Variants in EMB observed in about 807,000 individuals in gnomAD.
The protein encoded by EMB is embigin.
EMB carries 31 observed loss-of-function variants against 41.4 expected under a neutral mutation model. That is an observed-to-expected ratio of 0.75 (90% confidence interval 0.56 to 1.01). The LOEUF (loss-of-function observed/expected upper bound fraction) is 1.01, where lower values mean the gene tolerates loss of function less well. EMB is among the 50% of genes least tolerant of loss of function. EMB has a pLI of 0.00. For synonymous variants in EMB, 137 were observed against 140.4 expected (o/e 0.98, Z 0.17); for missense variants, 379 against 388.3 (o/e 0.98, Z 0.20).
In EMB at chr5:50,419,091, A is replaced by G. The variant is rs112246288; in HGVS notation, c.197-7708T>C. ...CATTTGAAAGACAATACCTGAGGTT[A>G]CACAGGGGACAAGATCCAGGCTGAG... On this transcript the variant is annotated intron_variant, in intron 2 of 8. Coordinates refer to ENST00000303221, the MANE Select transcript of EMB (RefSeq NM_198449.3). 2.2e-3 allele frequency among the ~76,000 whole-genome samples: 342 copies of G among 152,332 alleles called. 1 individual carries two copies. Among genetic ancestry groups the G allele is most frequent in the African/African-American group, 7.9e-3 (328 of 41,574 alleles).
upstream of EMB, among the ~76,000 whole-genome samples, chr5:50,441,616 C>T (rs568790401): frequency 3.3e-4 from 50 of 152,278 alleles, no homozygotes; most frequent in Middle Eastern, 3.4e-3. Flanking sequence ...CTCCCGGACC[C>T]CGGACATCTT....
intron 2 of EMB, 131 bp from the exon 3 acceptor site, chr5:50,411,514 C>A: frequency 1.5e-6 from 1 of 646,806 alleles, no homozygotes; most frequent in Non-Finnish European, 2.5e-6. Context: ...AAGAATTATT[C>A]CTCTATCAAC....
At chr5:50,441,446 C>T (rs1337907923), upstream of EMB, 9 of 250,896 alleles carry the variant, frequency 3.6e-5, no homozygotes, top group Non-Finnish European at 5.3e-5. Flanking sequence ...CGGCCTCCGC[C>T]CTCTCGGCTC....
chr5:50,404,037 G>T (rs571701974), intron 5 of EMB, among the ~76,000 whole-genome samples: 1 of 151,988 alleles, frequency 6.6e-6, no homozygotes, highest in South Asian at 2.1e-4. Flanking sequence ...TTTCATATCT[G>T]AATTTCTTTC....
intron 1 of EMB, among the ~76,000 whole-genome samples, chr5:50,439,958 ATG>A (rs1745869662): frequency 1.3e-5 from 2 of 152,154 alleles, no homozygotes; most frequent in Non-Finnish European, 2.9e-5. Flanking sequence ...AATAGGTTGG[ATG>A]GAATCCTTTC....
At chr5:50,442,164 A>C (rs1252288378), upstream of EMB, among the ~76,000 whole-genome samples, 2 of 152,014 alleles carry the variant, frequency 1.3e-5, no homozygotes, top group African/African-American at 4.8e-5. Flanking sequence ...TATTTTTTTG[A>C]AGTTCAGCTT....
At chr5:50,439,554 T>C (rs1745862256) in intron 1 of EMB, among the ~76,000 whole-genome samples, 1 of 151,382 alleles carries the variant, frequency 6.6e-6, no homozygotes. Context: ...CTTGAACTCC[T>C]GGATTCCAGC....
Position 50,402,294 on chromosome 5 carries a change from A to C in EMB, c.903T>G (p.Ile301Met), listed in dbSNP as rs754207099. 5 of 1,609,900 alleles carry C rather than the reference A, an allele frequency of 3.1e-6. No individual in the cohort carries two copies. The highest frequency in any genetic ancestry group is 4.2e-6 in the Non-Finnish European group (5 of 1,177,160). The change falls in exon 7 of 9, where the codon ATT becomes ATG. Residue 301 changes from isoleucine (I) to methionine (M), a missense_variant. Physicochemically the swap from Ile to Met is conservative, Grantham distance 10 (BLOSUM62 1). Transcript: ENST00000303221. Reference sequence around the variant, plus strand: ...TAAAAAATAATACTTACAGCTGTTCAATCTGCTCAAATTCTTTCCCCTCAT... The same window carrying C: ...TAAAAAATAATACTTACAGCTGTTCCATCTGCTCAAATTCTTTCCCCTCAT... The part of the protein sequence containing the change: ...HSDEGKEFEQ[I>M]EQLKSDDSNG...
chr5:50,430,954 T>C lies in EMB; in HGVS notation c.113-2727A>G, dbSNP rs904809620. 3.3e-5 allele frequency among the ~76,000 whole-genome samples: 5 copies of C among 152,134 alleles called. No homozygotes were observed. In the East Asian group the frequency reaches 5.8e-4, roughly 18 times the overall value. ...ATCTAAGCTGATGACAGTTGAAGGA[T>C]AGGAAAGGAAGGAAACACCAAGTTT... On this transcript the variant is annotated intron_variant, in intron 1 of 8. Coordinates refer to ENST00000303221, the MANE Select transcript of EMB (RefSeq NM_198449.3).
chr5:50,442,586 A>G (rs1241060351), upstream of EMB, among the ~76,000 whole-genome samples: 1 of 152,178 alleles, frequency 6.6e-6, no homozygotes, highest in Non-Finnish European at 1.5e-5. Flanking sequence ...CTCTTCTCAG[A>G]AAATTATGGT....
rs556410514 is a variant in EMB at position 50,430,720 on chromosome 5, C to G, written c.113-2493G>C. Reference sequence around the variant, plus strand: ...ATAGTCAGTATATAACTGACTATAGCCAGTATATTTTATACAAATTGGCAC... The same window carrying G: ...ATAGTCAGTATATAACTGACTATAGGCAGTATATTTTATACAAATTGGCAC... On this transcript the variant is annotated intron_variant, in intron 1 of 8. Coordinates refer to ENST00000303221, the MANE Select transcript of EMB (RefSeq NM_198449.3). Among the ~76,000 whole-genome samples the G allele has an allele frequency of 5.9e-5, 9 of 152,066 alleles. 1 individual carries two copies. In the South Asian group the frequency reaches 1.7e-3, roughly 28 times the overall value.
rs1004323233 is a variant in EMB, at chr5:50,396,535, G to A, written c.*2738C>T. On this transcript the variant is annotated 3_prime_UTR_variant, in exon 9 of 9. Transcript: ENST00000303221. Reference sequence around the variant, plus strand: ...AGACACAAGATCAGATTAAAGTCTTGAAAGATAATCTGGGGTTAGTCAAGC... The same window carrying A: ...AGACACAAGATCAGATTAAAGTCTTAAAAGATAATCTGGGGTTAGTCAAGC... The A allele has an allele frequency of 1.3e-5, 2 of 152,134 alleles. No homozygotes were observed. Among genetic ancestry groups the A allele is most frequent in the African/African-American group, 4.8e-5 (2 of 41,434 alleles). The allele number at this position is 152,134 out of a possible 1,614,324, so 9.4% of individuals were successfully genotyped here. A position where few individuals can be genotyped will look rare whatever the true frequency, so the allele number is the denominator to read the frequency against.
chr5:50,417,942 C>G (rs1457125644), intron 2 of EMB, among the ~76,000 whole-genome samples: 1 of 152,218 alleles, frequency 6.6e-6, no homozygotes, highest in Non-Finnish European at 1.5e-5. Context: ...AAGCTCCTAT[C>G]AGTCACTGTT....
chr5:50,412,059 A>T (rs1467495580), intron 2 of EMB: 1 of 152,106 alleles, frequency 6.6e-6, no homozygotes, highest in Admixed American at 6.6e-5. Context: ...ATTGATTATC[A>T]TAAGAACACT....
Position 50,415,236 on chromosome 5 carries a change from G to C in EMB, c.197-3853C>G, listed in dbSNP as rs73752710. ...CCTTCATTATCTTTCACCAAGACCA[G>C]GTAAATTATCTAATTTCTCTTGGCC... On this transcript the variant is annotated intron_variant, in intron 2 of 8. Transcript: ENST00000303221. 1.7e-3 allele frequency among the ~76,000 whole-genome samples: 263 copies of C among 152,164 alleles called. 1 individual carries two copies. The highest frequency in any genetic ancestry group is 6.2e-3 in the African/African-American group (257 of 41,526).
intron 2 of EMB, among the ~76,000 whole-genome samples, chr5:50,423,681 C>G (rs1453349992): frequency 3.3e-5 from 5 of 152,146 alleles, no homozygotes; most frequent in Non-Finnish European, 5.9e-5. Flanking sequence ...TGTGGAAGTA[C>G]TACCTGCCAG....
At chr5:50,434,827 A>G (rs528611398) in intron 1 of EMB, among the ~76,000 whole-genome samples, 1 of 152,364 alleles carries the variant, frequency 6.6e-6, no homozygotes, top group South Asian at 2.1e-4. Flanking sequence ...GGCAATTTTT[A>G]TTAGGAGTAG....
intron 2 of EMB, 148 bp downstream of exon 2, chr5:50,427,996 A>C: frequency 5.2e-6 from 3 of 573,064 alleles, no homozygotes; most frequent in Non-Finnish European, 9.3e-6. Flanking sequence ...TCACCACATT[A>C]GATTCCCAGC....
chr5:50,402,029 C>T (rs3860731), intron 7 of EMB, among the ~76,000 whole-genome samples: 48,826 of 151,640 alleles, frequency 0.32, 8,122 homozygotes, highest in East Asian at 0.44. Flanking sequence ...ATCCAACAAC[C>T]TCATATGGTG....
Sources: allele counts gnomAD v4.1 joint callset (sites outside exome capture counted in the v4.1 genomes callset), GRCh38; gene constraint gnomAD v4.1.1; transcripts MANE v1.5; gene names NCBI Gene and HGNC (gene_info 2026-07-23, HGNC 2026-07-21).